The following TXLNB variants were observed in gnomAD, a reference collection of about 807,000 sequenced individuals.
The protein encoded by TXLNB is taxilin beta, also known as beta-taxilin.
A neutral mutation model predicts 57.4 loss-of-function variants in TXLNB; 37 were observed. The observed-to-expected ratio is 0.64, with a 90% CI of 0.50 to 0.85. The LOEUF (loss-of-function observed/expected upper bound fraction) is 0.85, where lower values mean the gene tolerates loss of function less well. Among genes scored for constraint, TXLNB ranks in the 40% least tolerant of loss-of-function variants. The pLI is 0.00. For synonymous variants in TXLNB, 302 were observed against 309.6 expected (o/e 0.98, Z 0.26); for missense variants, 848 against 825.6 (o/e 1.03, Z -0.33).
intron 7 of TXLNB, among the ~76,000 whole-genome samples, chr6:139,252,705 T>G (rs1319983041): frequency 6.6e-6 from 1 of 152,178 alleles, no homozygotes; most frequent in Non-Finnish European, 1.5e-5. Context: ...TTAAGACTCC[T>G]GTTGGGCCGG....
chr6:139,322,742 C>A, the TXLNB span, among the ~76,000 whole-genome samples: 1 of 152,202 alleles, frequency 6.6e-6, no homozygotes, highest in Non-Finnish European at 1.5e-5. Flanking sequence ...AATATCGATG[C>A]CTCCCCAGCC....
the TXLNB span, among the ~76,000 whole-genome samples, chr6:139,314,037 AC>A: frequency 1.3e-5 from 2 of 152,182 alleles, no homozygotes; most frequent in African/African-American, 4.8e-5. Context: ...TTCCAACCTG[AC>A]CCGAGTATAG....
chr6:139,191,104 AT>A, the TXLNB span, among the ~76,000 whole-genome samples: 89,054 of 150,484 alleles, frequency 0.59, 27,228 homozygotes, highest in Non-Finnish European at 0.63. Context: ...ATGAAGTTTA[AT>A]TTTTTTTTTT....
At chr6:139,192,350 C>A in the TXLNB span, among the ~76,000 whole-genome samples, 2 of 152,292 alleles carry the variant, frequency 1.3e-5, no homozygotes, top group East Asian at 3.9e-4. Context: ...TCTTATGAAG[C>A]CTACCCTGAC....
chr6:139,197,723 C>G, the TXLNB span: 1 of 152,192 alleles, frequency 6.6e-6, no homozygotes, highest in Admixed American at 6.5e-5. Flanking sequence ...TCATAATGAA[C>G]AGAAATTTAT....
chr6:139,292,290 G>A (rs1562292608), upstream of TXLNB, among the ~76,000 whole-genome samples: 1 of 152,138 alleles, frequency 6.6e-6, no homozygotes, highest in African/African-American at 2.4e-5. This position sits in a 1 kb window ranked among gnomAD's most constrained non-coding sequence, Gnocchi z 4.0. Context: ...TTGTCCTTTC[G>A]GAAATTTAAA....
At chr6:139,292,078 ACGCG>A (rs71901269), upstream of TXLNB, 190 of 148,492 alleles carry the variant, frequency 1.3e-3, no homozygotes, top group Middle Eastern at 3.4e-3. This position sits in a 1 kb window ranked among gnomAD's most constrained non-coding sequence, Gnocchi z 4.0. Context: ...ACGTGCACGC[ACGCG>A]CGCGCACACA....
intron 2 of TXLNB, among the ~76,000 whole-genome samples, chr6:139,277,991 G>A (rs1302701188): frequency 6.6e-6 from 1 of 152,016 alleles, no homozygotes; most frequent in Non-Finnish European, 1.5e-5. Flanking sequence ...TAGGACATGG[G>A]GCATATTTGT....
upstream of TXLNB, among the ~76,000 whole-genome samples, chr6:139,293,550 T>C (rs1777341498): frequency 6.6e-6 from 1 of 150,448 alleles, no homozygotes; most frequent in Non-Finnish European, 1.5e-5. Context: ...CCTGCGACAT[T>C]GATCTTAGAT....
At chr6:139,162,144 C>T in the TXLNB span, among the ~76,000 whole-genome samples, 34 of 152,182 alleles carry the variant, frequency 2.2e-4, no homozygotes, top group Middle Eastern at 3.4e-3. Flanking sequence ...TCTCCTGAGT[C>T]GTCAGCTGGT....
the TXLNB span, among the ~76,000 whole-genome samples, chr6:139,224,086 C>G: frequency 6.8e-6 from 1 of 146,432 alleles, no homozygotes; most frequent in African/African-American, 2.5e-5. Context: ...GAAAATGTGG[C>G]ACATATACAC....
chr6:139,213,106 T>G, the TXLNB span, among the ~76,000 whole-genome samples: 5 of 152,164 alleles, frequency 3.3e-5, no homozygotes, highest in Non-Finnish European at 5.9e-5. Context: ...GGAATTGAAC[T>G]CAGCTCTGCA....
the TXLNB span, among the ~76,000 whole-genome samples, chr6:139,198,501 G>A: frequency 6.6e-6 from 1 of 150,786 alleles, no homozygotes; most frequent in Non-Finnish European, 1.5e-5. Context: ...TTGTTACAAT[G>A]TGAGACAGAT....
the TXLNB span, among the ~76,000 whole-genome samples, chr6:139,297,754 T>C: frequency 2.0e-5 from 3 of 152,232 alleles, no homozygotes; most frequent in Non-Finnish European, 4.4e-5. Flanking sequence ...ATTATGTGTT[T>C]AAATAAAGCC....
chr6:139,218,185 T>C, the TXLNB span, among the ~76,000 whole-genome samples: 100 of 152,292 alleles, frequency 6.6e-4, no homozygotes, highest in African/African-American at 2.4e-3. Context: ...CTCGACTTAA[T>C]AGGGTGCTTA....
chr6:139,185,276 T>TA, the TXLNB span, among the ~76,000 whole-genome samples: 18,976 of 152,244 alleles, frequency 0.12, 1,498 homozygotes, highest in East Asian at 0.19. Context: ...TGGCAGGAGT[T>TA]ACTGCAATCT....
the TXLNB span, among the ~76,000 whole-genome samples, chr6:139,230,095 AG>A: frequency 6.6e-6 from 1 of 152,182 alleles, no homozygotes; most frequent in East Asian, 1.9e-4. Context: ...TGTTATAAAA[AG>A]CTCTCCTTCT....
At chr6:139,159,564 C>T in the TXLNB span, among the ~76,000 whole-genome samples, 1 of 152,064 alleles carries the variant, frequency 6.6e-6, no homozygotes, top group Non-Finnish European at 1.5e-5. Context: ...CAGAGAAGGC[C>T]TGGACTGAAT....
At chr6:139,246,376 A>G (rs1234062631) in intron 8 of TXLNB, among the ~76,000 whole-genome samples, 1 of 152,204 alleles carries the variant, frequency 6.6e-6, no homozygotes, top group East Asian at 1.9e-4. Flanking sequence ...TTAAAAATAT[A>G]TTTTAAGAGG....
Sources: gnomAD v4.1 joint callset for allele counts (sites outside exome capture counted in the v4.1 genomes callset) on GRCh38, gnomAD v4.1.1 for gene constraint, Gnocchi (gnomAD v3.1) non-coding constraint, MANE v1.5 for transcripts, NCBI Gene and HGNC (gene_info 2026-07-23, HGNC 2026-07-21) for gene names.